The following ATP6V0E1 variants were observed in gnomAD, a reference collection of about 807,000 sequenced individuals.
ATP6V0E1 encodes the protein ATPase H+ transporting V0 subunit e1, also known as V-type proton ATPase subunit e 1.
In ATP6V0E1, 4 loss-of-function variants were observed where a neutral mutation model predicts 11.6. The ratio of observed to expected loss-of-function variants is 0.35; its 90% CI spans 0.17 to 0.79. The LOEUF (loss-of-function observed/expected upper bound fraction) is 0.79, where lower values mean the gene tolerates loss of function less well. Among genes scored for constraint, ATP6V0E1 ranks in the 30% least tolerant of loss-of-function variants. The pLI, the probability that ATP6V0E1 is intolerant of heterozygous loss-of-function variation, is 0.54. For synonymous variants in ATP6V0E1, 36 were observed against 34.8 expected (o/e 1.04, Z -0.13); for missense variants, 105 against 100.0 (o/e 1.05, Z -0.21).
At chr5:173,018,955 TTTTTC>T (rs1561774756) in intron 2 of ATP6V0E1, among the ~76,000 whole-genome samples, 1 of 152,090 alleles carries the variant, frequency 6.6e-6, no homozygotes, top group Non-Finnish European at 1.5e-5. Context: ...ATCTATGCTA[TTTTTC>T]TTTTCTTTTT....
chr5:173,024,145 C>T (rs990286390), intron 3 of ATP6V0E1, among the ~76,000 whole-genome samples: 3 of 138,308 alleles, frequency 2.2e-5, no homozygotes, highest in African/African-American at 5.5e-5. Context: ...TTGCAGTGAG[C>T]GGAGATTGCG....
At chr5:173,014,932 C>T (rs375274915) in intron 2 of ATP6V0E1, among the ~76,000 whole-genome samples, 9 of 152,176 alleles carry the variant, frequency 5.9e-5, no homozygotes, top group East Asian at 1.9e-4. Context: ...ATGGTAAATA[C>T]GAAGAAAAAA....
intron 2 of ATP6V0E1, among the ~76,000 whole-genome samples, chr5:173,002,562 C>G (rs1756175248): frequency 6.6e-6 from 1 of 152,156 alleles, no homozygotes; most frequent in Non-Finnish European, 1.5e-5. Context: ...AATTTTTTGA[C>G]CAGTCTCCTT....
chr5:172,993,477 G>C (rs953389612), intron 1 of ATP6V0E1, among the ~76,000 whole-genome samples: 8 of 152,108 alleles, frequency 5.3e-5, no homozygotes, highest in Non-Finnish European at 1.0e-4. Flanking sequence ...CTGCACTCCA[G>C]CCTGGATGAC....
chr5:172,993,123 TG>T, intron 1 of ATP6V0E1, among the ~76,000 whole-genome samples: 1 of 152,346 alleles, frequency 6.6e-6, no homozygotes, highest in South Asian at 2.1e-4. Context: ...TTATCTGTTT[TG>T]TTTCCTGTTC....
chr5:173,015,821 G>A (rs1175003063), intron 2 of ATP6V0E1, among the ~76,000 whole-genome samples: 1 of 152,126 alleles, frequency 6.6e-6, no homozygotes, highest in African/African-American at 2.4e-5. Context: ...CTGCCTCCCA[G>A]GTTCAAGTGA....
At chr5:172,988,781 C>G (rs1561767047) in intron 1 of ATP6V0E1, among the ~76,000 whole-genome samples, 2 of 152,136 alleles carry the variant, frequency 1.3e-5, no homozygotes, top group African/African-American at 4.8e-5. Flanking sequence ...CTCCACCTCC[C>G]AGGTTCAAGC....
chr5:172,988,102 A>G (rs1311904697), intron 1 of ATP6V0E1, among the ~76,000 whole-genome samples: 1 of 152,206 alleles, frequency 6.6e-6, no homozygotes, highest in Non-Finnish European at 1.5e-5. Flanking sequence ...TAAAAACTAA[A>G]ACACAAACAT....
At chr5:172,988,478 T>C (rs1376066236) in intron 1 of ATP6V0E1, among the ~76,000 whole-genome samples, 1 of 152,180 alleles carries the variant, frequency 6.6e-6, no homozygotes, top group African/African-American at 2.4e-5. Flanking sequence ...TCTGTAGGGA[T>C]TTTTTTAAAA....
chr5:173,007,640 G>A (rs1756247442), intron 2 of ATP6V0E1, among the ~76,000 whole-genome samples: 1 of 152,176 alleles, frequency 6.6e-6, no homozygotes, highest in Non-Finnish European at 1.5e-5. Flanking sequence ...TATTATTATG[G>A]CAAAAGAGTT....
At chr5:173,021,048 G>T (rs556122023) in intron 3 of ATP6V0E1, 10 of 404,600 alleles carry the variant, frequency 2.5e-5, no homozygotes, top group Middle Eastern at 6.4e-4. Flanking sequence ...TCGCAGTTCT[G>T]CAGGCTGTAT....
At chr5:173,014,323 A>G (rs1158636869) in intron 2 of ATP6V0E1, among the ~76,000 whole-genome samples, 3 of 152,164 alleles carry the variant, frequency 2.0e-5, no homozygotes, top group African/African-American at 7.2e-5. Context: ...TCAAAAAACT[A>G]AAAATAGAAC....
chr5:172,992,812 T>C (rs1421115647), intron 1 of ATP6V0E1, among the ~76,000 whole-genome samples: 2 of 152,172 alleles, frequency 1.3e-5, no homozygotes, highest in Non-Finnish European at 2.9e-5. Flanking sequence ...TTATTTATTT[T>C]TTTGAGATGG....
chr5:173,026,952 G>A (rs372698391), intron 3 of ATP6V0E1, among the ~76,000 whole-genome samples: 23 of 151,828 alleles, frequency 1.5e-4, no homozygotes, highest in African/African-American at 5.1e-4. Context: ...TGAGGCGGGC[G>A]GATCACGAGG....
rs1395435772 is a variant in ATP6V0E1 at position 173,034,424 on chromosome 5, A to G, written c.*62A>G. 1.4e-6 allele frequency: 1 copy of G among 702,894 alleles called. No homozygotes were observed. Among genetic ancestry groups the G allele is most frequent in the East Asian group, 2.7e-5 (1 of 37,302 alleles). 43.5% of individuals were successfully genotyped at this position (702,894 alleles called of 1,614,324 possible). ...GTCACGAGAAGAGAATGCCTTCTAG[A>G]TGCAAAATCACCTCCAAACCAGACC... On this transcript the variant is annotated 3_prime_UTR_variant, in exon 4 of 4. Transcript: ENST00000519374.
At chr5:173,001,406 C>G (rs114810586) in intron 2 of ATP6V0E1, among the ~76,000 whole-genome samples, 1 of 152,310 alleles carries the variant, frequency 6.6e-6, no homozygotes, top group East Asian at 1.9e-4. Flanking sequence ...CATTCTTTAG[C>G]CCCCGTTGCT....
intron 2 of ATP6V0E1, among the ~76,000 whole-genome samples, chr5:172,996,757 A>T (rs957414104): frequency 1.8e-4 from 27 of 152,144 alleles, no homozygotes; most frequent in African/African-American, 6.5e-4. Context: ...AAGGCATAAC[A>T]CATATGTTAA....
chr5:173,024,758 A>G (rs952614306), intron 3 of ATP6V0E1, among the ~76,000 whole-genome samples: 10 of 152,186 alleles, frequency 6.6e-5, no homozygotes, highest in African/African-American at 2.4e-4. Flanking sequence ...TATTTTTCAG[A>G]TGAAAAATAA....
chr5:173,014,412 C>T (rs538200309), intron 2 of ATP6V0E1, among the ~76,000 whole-genome samples: 1 of 152,284 alleles, frequency 6.6e-6, no homozygotes, highest in South Asian at 2.1e-4. Context: ...GGTATACCTG[C>T]ACTCTCGCAT....
Sources: allele counts gnomAD v4.1 joint callset (sites outside exome capture counted in the v4.1 genomes callset), GRCh38; gene constraint gnomAD v4.1.1; transcripts MANE v1.5; gene names NCBI Gene and HGNC (gene_info 2026-07-23, HGNC 2026-07-21).